The following MTA3 variants were observed in gnomAD, a reference collection of about 807,000 sequenced individuals.
The protein encoded by MTA3 is metastasis associated 1 family member 3.
In MTA3, 34 loss-of-function variants were observed where a neutral mutation model predicts 83.5. That is an observed-to-expected ratio of 0.41 (90% CI 0.31 to 0.54). MTA3 has a LOEUF of 0.54. MTA3 is among the 20% of genes least tolerant of loss of function. The probability of loss-of-function intolerance (pLI) is 0.33; values close to 1 mark genes in which losing one functional copy is unlikely to be tolerated. For missense variants in MTA3, 761 were observed against 726.4 expected (o/e 1.05, Z -0.55); for synonymous variants, 303 against 252.7 (o/e 1.20, Z -1.89).
chr2:42,741,940 C>T (rs555177944), intron 16 of MTA3, among the ~76,000 whole-genome samples: 1 of 152,054 alleles, frequency 6.6e-6, no homozygotes, highest in Non-Finnish European at 1.5e-5. Flanking sequence ...GAGTTGCCAA[C>T]AAAGCTTCAA....
intron 16 of MTA3, among the ~76,000 whole-genome samples, chr2:42,751,942 A>G (rs1158597123): frequency 4.6e-5 from 7 of 152,196 alleles, no homozygotes; most frequent in Non-Finnish European, 7.3e-5. Flanking sequence ...ACTGGGCTGG[A>G]TGGAGAATGA....
intron 1 of MTA3, among the ~76,000 whole-genome samples, chr2:42,569,113 C>T (rs969467437): frequency 4.6e-5 from 7 of 151,516 alleles, no homozygotes; most frequent in Admixed American, 6.6e-5. Flanking sequence ...AGGTGGCCTT[C>T]TTGCGTGGCT....
chr2:42,595,705 G>C (rs1184438781), intron 3 of MTA3, among the ~76,000 whole-genome samples: 1 of 151,788 alleles, frequency 6.6e-6, no homozygotes, highest in African/African-American at 2.4e-5. Flanking sequence ...CGGTATTTGG[G>C]TATATATATA....
rs779304365 is a variant in MTA3, at chr2:42,709,006, G to C, written c.1435G>C (p.Ala479Pro). Residue 479 changes from alanine (A) to proline (P), a missense_variant, in exon 14 of 17, where the codon GCT becomes CCT. Ala to Pro is a conservative substitution (Grantham distance 27). Transcript: ENST00000405094. The stretch of plus-strand genomic sequence containing the variant: ...TCATACTACATATTTCACAAAATTT[G>C]CTCGTCAGGTCTGCAAAAATACCCT... ...FLHTTYFTKF[A>P]RQVCKNTLRL... 1.2e-6 allele frequency: 2 copies of C among 1,613,902 alleles called. No individual in the cohort carries two copies. The highest frequency in any genetic ancestry group is 1.7e-6 in the Non-Finnish European group (2 of 1,179,898).
chr2:42,604,635 G>T (rs1209364530), intron 3 of MTA3, among the ~76,000 whole-genome samples: 2 of 135,238 alleles, frequency 1.5e-5, no homozygotes, highest in Admixed American at 7.5e-5. Flanking sequence ...TCACAGAGGG[G>T]TATTTGGCAG....
intron 4 of MTA3, among the ~76,000 whole-genome samples, chr2:42,627,223 G>A (rs960085743): frequency 6.6e-6 from 1 of 151,918 alleles, no homozygotes; most frequent in Non-Finnish European, 1.5e-5. Context: ...GACTGCAGGT[G>A]CTGGCCACCA....
intron 5 of MTA3, among the ~76,000 whole-genome samples, chr2:42,643,040 C>CT (rs907372981): frequency 3.4e-5 from 5 of 145,910 alleles, no homozygotes; most frequent in African/African-American, 1.3e-4. Context: ...TGTCTCCCCC[C>CT]CCCCCCTTTT....
chr2:42,641,985 A>G (rs1687738763), intron 5 of MTA3, among the ~76,000 whole-genome samples: 1 of 152,198 alleles, frequency 6.6e-6, no homozygotes, highest in Admixed American at 6.5e-5. Context: ...GACACAATGT[A>G]TGCATATAAG....
At chr2:42,740,718 C>G (rs1000293388) in intron 16 of MTA3, among the ~76,000 whole-genome samples, 16 of 152,226 alleles carry the variant, frequency 1.1e-4, no homozygotes, top group Non-Finnish European at 2.1e-4. Context: ...CAACAGCAAG[C>G]TTAAGATATT....
At chr2:42,555,835 G>A (rs1558433449) in intron 2 of MTA3, among the ~76,000 whole-genome samples, 1 of 152,020 alleles carries the variant, frequency 6.6e-6, no homozygotes, top group Non-Finnish European at 1.5e-5. Flanking sequence ...ACTTTGGGAG[G>A]CCAAGGAGGG....
At chr2:42,537,956 G>A (rs1676325730) in intron 2 of MTA3, among the ~76,000 whole-genome samples, 2 of 152,178 alleles carry the variant, frequency 1.3e-5, no homozygotes, top group Admixed American at 1.3e-4. Flanking sequence ...CAATAGGCCA[G>A]GCACAGTGGC....
At chr2:42,542,642 C>G (rs542808206) in intron 2 of MTA3, among the ~76,000 whole-genome samples, 1 of 152,198 alleles carries the variant, frequency 6.6e-6, no homozygotes, top group South Asian at 2.1e-4. Context: ...ACCTCCACCT[C>G]CCGGGTTCAA....
At chr2:42,639,509 A>C (rs906157333) in intron 4 of MTA3, among the ~76,000 whole-genome samples, 1 of 152,136 alleles carries the variant, frequency 6.6e-6, no homozygotes, top group Non-Finnish European at 1.5e-5. Context: ...GAGTCTAGAC[A>C]AGCCTTATAA....
rs762680843 is a variant in MTA3, at chr2:42,647,155, T to TAAAAAAAAAAAACAAA, written c.499+2915_499+2930dup. On this transcript the variant is annotated intron_variant, in intron 6 of 16. Transcript: ENST00000405094. The stretch of plus-strand genomic sequence containing the variant: ...CTGGGTGACAGAGTGAGACTCTGTC[T>TAAAAAAAAAAAACAAA]AAAAAAAAAAAACAAAAAAGAAAGG... Among the ~76,000 whole-genome samples the TAAAAAAAAAAAACAAA allele has an allele frequency of 4.3e-5, 4 of 92,074 alleles. No individual in the cohort carries two copies. The East Asian group carries it at 8.7e-4, about 20-fold the overall frequency. The allele number at this position is 92,074 out of a possible 152,430, so 60.4% of individuals were successfully genotyped here.
chr2:42,652,224 C>T (rs1237008732), intron 6 of MTA3, among the ~76,000 whole-genome samples: 2 of 152,158 alleles, frequency 1.3e-5, no homozygotes, highest in Non-Finnish European at 2.9e-5. Flanking sequence ...AAAGGTGTAG[C>T]TTGGGATGAA....
chr2:42,570,262 T>G (rs1678317717), intron 1 of MTA3, among the ~76,000 whole-genome samples, 175 bp from the exon 2 acceptor site: 2 of 152,166 alleles, frequency 1.3e-5, no homozygotes, highest in Admixed American at 1.3e-4. Flanking sequence ...TAAAGGTCTG[T>G]GAATAGTAGG....
At chr2:42,677,264 A>G (rs1296790065) in intron 8 of MTA3, among the ~76,000 whole-genome samples, 2 of 152,160 alleles carry the variant, frequency 1.3e-5, no homozygotes, top group African/African-American at 4.8e-5. Flanking sequence ...CGGGGGAGAT[A>G]ATTGAATCAT....
At chr2:42,713,801 T>C (rs540214956) in intron 14 of MTA3, among the ~76,000 whole-genome samples, 1 of 152,350 alleles carries the variant, frequency 6.6e-6, no homozygotes, top group South Asian at 2.1e-4. Context: ...TGTTGTACCA[T>C]AACTAGTTTC....
At chr2:42,587,826 T>C (rs369851577) in intron 3 of MTA3, among the ~76,000 whole-genome samples, 1 of 152,206 alleles carries the variant, frequency 6.6e-6, no homozygotes, top group African/African-American at 2.4e-5. Context: ...GGTCTTGAAC[T>C]CCTGGCCTCA....
Sources: allele counts gnomAD v4.1 joint callset (sites outside exome capture counted in the v4.1 genomes callset), GRCh38; gene constraint gnomAD v4.1.1; transcripts MANE v1.5; gene names NCBI Gene and HGNC (gene_info 2026-07-23, HGNC 2026-07-21).